Variants in CUBN observed in about 807,000 individuals in gnomAD.
The protein encoded by CUBN is 460 kDa receptor.
CUBN carries 282 observed loss-of-function variants against 405.3 expected under a neutral mutation model. The ratio of observed to expected loss-of-function variants is 0.70; its 90% confidence interval spans 0.63 to 0.77. The LOEUF (loss-of-function observed/expected upper bound fraction) is 0.77, where lower values mean the gene tolerates loss of function less well. Among genes scored for constraint, CUBN ranks in the 30% least tolerant of loss-of-function variants. The pLI is 0.00. For missense variants in CUBN, 4,514 were observed against 4,475.2 expected (o/e 1.01, Z -0.25); for synonymous variants, 1,684 against 1,617.0 (o/e 1.04, Z -0.99).
At chr10:16,941,399 A>T (rs1842647239) in intron 36 of CUBN, among the ~76,000 whole-genome samples, 1 of 152,210 alleles carries the variant, frequency 6.6e-6, no homozygotes, top group Admixed American at 6.5e-5. Flanking sequence ...GGCTAGAAAC[A>T]TAAAGATCCT....
In CUBN at chr10:16,900,742, C is replaced by T. The variant is rs1210136241; in HGVS notation, c.8293G>A (p.Gly2765Arg). 6.2e-7 allele frequency: 1 copy of T among 1,613,984 alleles called. No homozygotes were observed. The highest frequency in any genetic ancestry group is 1.3e-5 in the African/African-American group (1 of 74,910). Residue 2765 changes from glycine to arginine, a missense_variant, in exon 53 of 67, where the codon GGA becomes AGA. This residue lies in a region of CUBN where 1,186 missense variants were observed against 1,186.9 expected (regional missense o/e 1.00). Coordinates refer to ENST00000377833, the MANE Select transcript of CUBN (RefSeq NM_001081.4). ...PESPIIGQYC[G>R]NSNPRTIQSG... Reference sequence around the variant, plus strand: ...TGTATTGTCCTGGGGTTTGAATTTCCACAGTATTGTCCTATGATGGGTGAT... The same window carrying T: ...TGTATTGTCCTGGGGTTTGAATTTCTACAGTATTGTCCTATGATGGGTGAT...
intron 14 of CUBN, among the ~76,000 whole-genome samples, chr10:17,098,451 A>T (rs1836425194): frequency 6.6e-6 from 1 of 152,248 alleles, no homozygotes; most frequent in Non-Finnish European, 1.5e-5. Flanking sequence ...ATTATCTGTG[A>T]AAACTTACAG....
At chr10:16,902,025 GTGTGTA>G (rs1841400581) in intron 51 of CUBN, among the ~76,000 whole-genome samples, 1 of 50,706 alleles carries the variant, frequency 2.0e-5, no homozygotes, top group Non-Finnish European at 3.8e-5. Flanking sequence ...ACCATATATA[GTGTGTA>G]TATATATATA....
rs138029828 is a variant in CUBN, at chr10:16,869,473, T to C, written c.9454+163A>G. 2.1e-3 allele frequency among the ~76,000 whole-genome samples: 301 copies of C among 146,406 alleles called. 2 individuals are homozygous for C. The highest frequency in any genetic ancestry group is 7.5e-3 in the African/African-American group (294 of 39,332). ...GTGATTTTTTTACAACATTAAAATATGTCATACGTAAGTTTTAAAACCAAG... is the reference window on the plus strand; with the variant it reads ...GTGATTTTTTTACAACATTAAAATACGTCATACGTAAGTTTTAAAACCAAG... On this transcript the variant is annotated intron_variant, in intron 59 of 66. Coordinates refer to ENST00000377833, the MANE Select transcript of CUBN (RefSeq NM_001081.4).
At chr10:16,891,748 A>G (rs571802698) in intron 54 of CUBN, among the ~76,000 whole-genome samples, 123 of 152,168 alleles carry the variant, frequency 8.1e-4, no homozygotes, top group Admixed American at 2.6e-3. Flanking sequence ...CATATTAACC[A>G]GAGAAGCTCG....
chr10:16,930,111 C>G (rs565138757), intron 40 of CUBN, among the ~76,000 whole-genome samples: 26 of 152,250 alleles, frequency 1.7e-4, no homozygotes, highest in African/African-American at 6.3e-4. Context: ...AATCTTGAGC[C>G]TAATCTTTAA....
At chr10:16,832,176 C>G (rs1326855152) in intron 64 of CUBN, among the ~76,000 whole-genome samples, 1 of 152,204 alleles carries the variant, frequency 6.6e-6, no homozygotes, top group East Asian at 1.9e-4. Context: ...CATTCACAAC[C>G]AGCCCTGCTT....
intron 28 of CUBN, among the ~76,000 whole-genome samples, chr10:16,998,139 G>A (rs556690164): frequency 2.0e-5 from 3 of 152,238 alleles, no homozygotes; most frequent in African/African-American, 4.8e-5. Context: ...AGAGGAGAGA[G>A]TTGTCCCTGT....
chr10:17,127,734 G>C, intron 3 of CUBN, 95 bp downstream of exon 3: 2 of 809,608 alleles, frequency 2.5e-6, no homozygotes, highest in Non-Finnish European at 4.2e-6. Flanking sequence ...TCTCTAAAGA[G>C]CACACAAAGT....
intron 28 of CUBN, among the ~76,000 whole-genome samples, chr10:17,004,538 T>C (rs1049777458): frequency 6.6e-6 from 1 of 152,192 alleles, no homozygotes; most frequent in Non-Finnish European, 1.5e-5. Flanking sequence ...TTCCTATCTA[T>C]GAATAATGGC....
intron 29 of CUBN, among the ~76,000 whole-genome samples, chr10:16,988,784 T>C (rs187483545): frequency 3.6e-4 from 55 of 152,308 alleles, no homozygotes; most frequent in African/African-American, 1.3e-3. Context: ...TACTGGAGTG[T>C]TGAGCAGTGA....
At chr10:17,111,080 G>T in intron 8 of CUBN, 30 bp from the exon 9 acceptor site, 1 of 1,613,126 alleles carries the variant, frequency 6.2e-7, no homozygotes, top group Non-Finnish European at 8.5e-7. Context: ...TAAAAGTTTA[G>T]CTCTATAGAC....
chr10:16,913,713 TG>T (rs1259104007), intron 48 of CUBN, 97 bp downstream of exon 48: 12 of 1,354,820 alleles, frequency 8.9e-6, no homozygotes, highest in Non-Finnish European at 1.1e-5. Flanking sequence ...GTTGCATAGA[TG>T]GCAATTTTCC....
chr10:17,076,482 CAAAA>C (rs79168650), intron 17 of CUBN, among the ~76,000 whole-genome samples: 1,559 of 137,704 alleles, frequency 0.011, 10 homozygotes, highest in Non-Finnish European at 0.017. Context: ...GCACCCCCAC[CAAAA>C]AAAAAAAAAA....
In CUBN at chr10:16,915,935, G is replaced by T. The variant is rs1261134940; in HGVS notation, c.7096C>A (p.His2366Asn). 2 of 1,614,036 alleles carry T rather than the reference G, an allele frequency of 1.2e-6. No homozygotes were observed. The highest frequency in any genetic ancestry group is 8.5e-7 in the Non-Finnish European group (1 of 1,179,926). ...PYRDNLFCEW[H>N]LQGLSGHYLT... is the part of the protein sequence containing the mutation. ...TAGTGTCCAGAGAGCCCCTGGAGAT[G>T]CCACTCACAGAATAAGTTGTCTCTG... The change falls in exon 46 of 67, where the codon CAT becomes AAT. Residue 2366 changes from histidine to asparagine, a missense_variant. Physicochemically the swap from His to Asn is moderately conservative, Grantham distance 68 (BLOSUM62 1). Coordinates refer to ENST00000377833, the MANE Select transcript of CUBN (RefSeq NM_001081.4).
chr10:16,851,131 C>G, intron 60 of CUBN, 104 bp downstream of exon 60: 1 of 909,204 alleles, frequency 1.1e-6, no homozygotes, highest in Non-Finnish European at 1.8e-6. Flanking sequence ...GCAGTAGCAC[C>G]TGTACTCAAA....
At chr10:17,109,543 C>G in intron 10 of CUBN, 97 bp downstream of exon 10, 1 of 1,029,952 alleles carries the variant, frequency 9.7e-7, no homozygotes. Context: ...GTCAAAATAA[C>G]AATTTTGAGA....
At chr10:16,958,182 C>G (rs573902348) in intron 31 of CUBN, among the ~76,000 whole-genome samples, 1 of 152,158 alleles carries the variant, frequency 6.6e-6, no homozygotes, top group African/African-American at 2.4e-5. Flanking sequence ...AAGGGGCACA[C>G]CTAGAAGCTT....
chr10:17,105,304 C>T (rs950535373), intron 11 of CUBN, among the ~76,000 whole-genome samples, 153 bp downstream of exon 11: 10 of 152,092 alleles, frequency 6.6e-5, no homozygotes, highest in Non-Finnish European at 1.3e-4. Flanking sequence ...GAACTAAAAT[C>T]ATTATCTATC....
Sources: allele counts gnomAD v4.1 joint callset (sites outside exome capture counted in the v4.1 genomes callset), GRCh38; gene constraint gnomAD v4.1.1; regional missense constraint gnomAD v4.1.1; transcripts MANE v1.5; gene names NCBI Gene and HGNC (gene_info 2026-07-23, HGNC 2026-07-21).